Variants in SESN3 observed in about 807,000 individuals in gnomAD.
The protein encoded by SESN3 is sestrin 3, also known as sestrin-3.
Under a neutral mutation model 55.3 loss-of-function variants are expected in SESN3, and 21 were observed. The ratio of observed to expected loss-of-function variants is 0.38; its 90% CI spans 0.27 to 0.55. The LOEUF is 0.55. Ranked by LOEUF, SESN3 falls within the 20% of genes least tolerant of loss-of-function variation. SESN3 has a pLI of 0.76. For synonymous variants in SESN3, 181 were observed against 203.1 expected, an observed-to-expected ratio of 0.89 and a Z score of 0.93; for missense variants, 408 against 604.3, an observed-to-expected ratio of 0.68 and a Z score of 3.41.
chr11:95,176,739 C>T (rs772154154), intron 8 of SESN3, among the ~76,000 whole-genome samples: 2 of 151,998 alleles, frequency 1.3e-5, no homozygotes, highest in Non-Finnish European at 2.9e-5. Flanking sequence ...ACATTTGTTG[C>T]CTTGTATCCA....
chr11:95,178,576 G>A (rs990352887), intron 7 of SESN3, 134 bp downstream of exon 7: 31 of 619,910 alleles, frequency 5.0e-5, no homozygotes, highest in African/African-American at 5.0e-4. Flanking sequence ...AATTAGATTA[G>A]GCTGAAACTA....
At position 95,216,412 on chromosome 11, in the gene SESN3, A is replaced by G. The variant is rs372613516; in HGVS notation, c.78+14371T>C. On this transcript the variant is annotated intron_variant, in intron 1 of 9. Transcript: ENST00000536441. ...GATATCATGGCACTTTTTATGAATG[A>G]TAACACAGTAGTTTATTAAATGCAA... is the stretch of plus-strand genomic sequence containing the variant. Among the ~76,000 whole-genome samples, 3 of 152,246 alleles carry G rather than the reference A, an allele frequency of 2.0e-5. No homozygotes were observed. In the East Asian group the frequency reaches 5.8e-4, roughly 29 times the overall value.
intron 1 of SESN3, among the ~76,000 whole-genome samples, chr11:95,221,996 C>A (rs1485305158): frequency 6.6e-6 from 1 of 152,122 alleles, no homozygotes; most frequent in African/African-American, 2.4e-5. Context: ...AAGTAAAGGG[C>A]TTGTGAGGAA....
intron 1 of SESN3, among the ~76,000 whole-genome samples, chr11:95,205,383 A>G (rs748566260): frequency 6.6e-6 from 1 of 152,178 alleles, no homozygotes; most frequent in Non-Finnish European, 1.5e-5. Context: ...CTACTATATT[A>G]TGTAGGAAAG....
chr11:95,177,411 T>A (rs1420992038), intron 8 of SESN3, among the ~76,000 whole-genome samples: 1 of 152,158 alleles, frequency 6.6e-6, no homozygotes, highest in Non-Finnish European at 1.5e-5. Flanking sequence ...CACCTGTTTT[T>A]TTAAAACTCA....
At chr11:95,186,002 T>A (rs1860155845) in intron 4 of SESN3, among the ~76,000 whole-genome samples, 1 of 152,026 alleles carries the variant, frequency 6.6e-6, no homozygotes, top group African/African-American at 2.4e-5. Context: ...ATAAGAATTT[T>A]AAAAATTTCC....
At position 95,173,296 on chromosome 11, in the gene SESN3, G is replaced by T; in HGVS notation, c.1438C>A (p.Leu480Ile). 1 of 1,596,976 alleles carries T rather than the reference G, an allele frequency of 6.3e-7. No individual in the cohort carries two copies. Among genetic ancestry groups the T allele is most frequent in the Non-Finnish European group, 8.6e-7 (1 of 1,166,388 alleles). ...GTTATGGCACGAAGAGCATAAAGAA[G>T]TTCAGCTTGCATTCGTGCTTCCATT... ...LLMEARMQAE[L>I]LYALRAITRH... Residue 480 changes from leucine (L) to isoleucine (I), a missense_variant, in exon 10 of 10, where the codon CTT (leucine) becomes ATT (isoleucine). By Grantham distance (5) the Leu-to-Ile change is conservative (BLOSUM62 2). Around this residue, in one of 4 missense-constraint regions of SESN3, gnomAD observed 121 missense variants for 204.9 expected, o/e 0.59. Coordinates refer to ENST00000536441, the MANE Select transcript of SESN3 (RefSeq NM_144665.4).
chr11:95,185,227 A>G, intron 5 of SESN3, 29 bp downstream of exon 5: 2 of 1,355,082 alleles, frequency 1.5e-6, no homozygotes, highest in Non-Finnish European at 1.0e-6. Flanking sequence ...AAGCAAAAAT[A>G]GTAAAGAAAA....
chr11:95,231,157 C>A lies in SESN3; in HGVS notation c.-297G>T, dbSNP rs1861056258. ...CCCCCGCCAGGCTAGGACGAGCAGCCGCCACCGCTGCCACCGCCACCACCG... is the reference window on the plus strand; with the variant it reads ...CCCCCGCCAGGCTAGGACGAGCAGCAGCCACCGCTGCCACCGCCACCACCG... On this transcript the variant is annotated 5_prime_UTR_variant, in exon 1 of 10. Coordinates refer to ENST00000536441, the MANE Select transcript of SESN3 (RefSeq NM_144665.4). 1 of 416,922 alleles carries A rather than the reference C, an allele frequency of 2.4e-6. No individual in the cohort carries two copies. Among genetic ancestry groups the A allele is most frequent in the East Asian group, 3.6e-5 (1 of 27,786 alleles). 25.8% of individuals were successfully genotyped at this position (416,922 alleles called of 1,614,324 possible).
Position 95,183,807 on chromosome 11 carries a change from A to G in SESN3, c.937+613T>C, listed in dbSNP as rs184782271. Reference sequence around the variant, plus strand: ...TTCAATATCTTTTTAGTTGTAATTGAAAAGTTTATTTCCTATTTCAGTCCT... The same window carrying G: ...TTCAATATCTTTTTAGTTGTAATTGGAAAGTTTATTTCCTATTTCAGTCCT... On this transcript the variant is annotated intron_variant, in intron 6 of 9. Coordinates refer to ENST00000536441, the MANE Select transcript of SESN3 (RefSeq NM_144665.4). Among the ~76,000 whole-genome samples the G allele has an allele frequency of 2.9e-3, 435 of 152,236 alleles. 4 individuals are homozygous for G. The highest frequency in any genetic ancestry group is 9.7e-3 in the African/African-American group (402 of 41,552).
Position 95,167,819 on chromosome 11 carries a change from C to A in SESN3, c.*5436G>T, listed in dbSNP as rs188861885. Reference sequence around the variant, plus strand: ...GACATAATTTTACATTTATGAACAACCTCAAGTGCACCTAGCTGGAGAGAA... The same window carrying A: ...GACATAATTTTACATTTATGAACAAACTCAAGTGCACCTAGCTGGAGAGAA... On this transcript the variant is annotated 3_prime_UTR_variant, in exon 10 of 10. Transcript: ENST00000536441. 2.6e-5 allele frequency: 4 copies of A among 152,200 alleles called. No homozygotes were observed. The highest frequency in any genetic ancestry group is 4.8e-5 in the African/African-American group (2 of 41,446). 9.4% of individuals were successfully genotyped at this position (152,200 alleles called of 1,614,324 possible). A position where few individuals can be genotyped will look rare whatever the true frequency, so the allele number is the denominator to read the frequency against.
At chr11:95,227,109 C>G (rs185299292) in intron 1 of SESN3, among the ~76,000 whole-genome samples, 5 of 151,842 alleles carry the variant, frequency 3.3e-5, no homozygotes, top group Admixed American at 3.3e-4. Context: ...ATTGGCTAAA[C>G]CATATAAAGT....
At position 95,225,224 on chromosome 11, in the gene SESN3, T is replaced by C. The variant is rs557739616; in HGVS notation, c.78+5559A>G. Among the ~76,000 whole-genome samples, 44 of 152,288 alleles carry C rather than the reference T, an allele frequency of 2.9e-4. 1 individual carries two copies. The highest frequency in any genetic ancestry group is 4.1e-4 in the South Asian group (2 of 4,826). The stretch of plus-strand genomic sequence containing the variant: ...CTCAGTGAAGAAGGCAAATAAAGTC[T>C]TTGTATAATTATGAACACAGTTTTG... On this transcript the variant is annotated intron_variant, in intron 1 of 9. Transcript: ENST00000536441.
intron 1 of SESN3, among the ~76,000 whole-genome samples, chr11:95,207,480 G>A (rs1007005436): frequency 4.0e-5 from 6 of 151,482 alleles, no homozygotes; most frequent in East Asian, 3.9e-4. Context: ...GAGACATTCC[G>A]TGGGGCCTTT....
chr11:95,218,151 TTAAGACAA>T (rs1248694143), intron 1 of SESN3, among the ~76,000 whole-genome samples: 4 of 152,202 alleles, frequency 2.6e-5, no homozygotes, highest in Non-Finnish European at 5.9e-5. Context: ...AATTAGGATT[TTAAGACAA>T]TAAGACAATT....
chr11:95,200,640 G>A lies in SESN3; in HGVS notation c.79-7118C>T, dbSNP rs373067673. Among the ~76,000 whole-genome samples the A allele has an allele frequency of 2.0e-5, 3 of 151,910 alleles. No individual in the cohort carries two copies. In the East Asian group the frequency reaches 5.8e-4, roughly 29 times the overall value. On this transcript the variant is annotated intron_variant, in intron 1 of 9. Coordinates refer to ENST00000536441, the MANE Select transcript of SESN3 (RefSeq NM_144665.4). ...AGCACTCAAAATTCTCCTTCATAAT[G>A]GGGAATCTCATCTAATCCTAAGGGC...
chr11:95,205,310 C>T (rs1052572928), intron 1 of SESN3, among the ~76,000 whole-genome samples: 1 of 151,940 alleles, frequency 6.6e-6, no homozygotes, highest in African/African-American at 2.4e-5. Flanking sequence ...GAAAATATTT[C>T]TGACATCCAT....
chr11:95,226,283 A>G (rs747024506), intron 1 of SESN3, among the ~76,000 whole-genome samples: 4 of 152,216 alleles, frequency 2.6e-5, no homozygotes, highest in Non-Finnish European at 5.9e-5. Context: ...ACTATACAGC[A>G]ATCTGTAAGG....
Position 95,177,818 on chromosome 11 carries a change from T to C in SESN3, c.1148A>G (p.Tyr383Cys). Reference protein sequence around the residue: ...HLLDEKFRMVYNLTYNTMATH... With the variant: ...HLLDEKFRMVCNLTYNTMATH... ...GGCCATAGTGTTATATGTGAGATTG[T>C]AGACCATCCGAAACTTTTCATCAAG... is the stretch of plus-strand genomic sequence containing the variant. The change falls in exon 8 of 10, where the codon TAC (tyrosine) becomes TGC (cysteine). Residue 383 changes from tyrosine (Y) to cysteine (C), a missense_variant. Tyr to Cys is a radical substitution (Grantham distance 194, BLOSUM62 -2). Transcript: ENST00000536441. The C allele has an allele frequency of 6.2e-7, 1 of 1,606,972 alleles. No homozygotes were observed. Among genetic ancestry groups the C allele is most frequent in the Non-Finnish European group, 8.5e-7 (1 of 1,178,026 alleles).
Sources: allele counts gnomAD v4.1 joint callset (sites outside exome capture counted in the v4.1 genomes callset), GRCh38; gene constraint gnomAD v4.1.1; regional missense constraint gnomAD v4.1.1; transcripts MANE v1.5; gene names NCBI Gene and HGNC (gene_info 2026-07-23, HGNC 2026-07-21).